Variants in RBFOX1 observed in about 807,000 individuals in gnomAD.
The protein encoded by RBFOX1 is RNA binding fox-1 homolog 1, also known as RNA binding protein fox-1 homolog 1.
Under a neutral mutation model 57.7 loss-of-function variants are expected in RBFOX1, and 8 were observed. That is an observed-to-expected ratio of 0.14 (90% CI 0.08 to 0.25). The LOEUF is 0.25. RBFOX1 is among the 10% of genes least tolerant of loss of function. The pLI, the probability that RBFOX1 is intolerant of heterozygous loss-of-function variation, is 1.00. For synonymous variants in RBFOX1, 326 were observed against 222.4 expected (o/e 1.47, Z -4.15); for missense variants, 611 against 548.5 (o/e 1.11, Z -1.14).
At chr16:7,693,525 G>A (rs930169647) in intron 14 of RBFOX1, among the ~76,000 whole-genome samples, 2 of 149,140 alleles carry the variant, frequency 1.3e-5, no homozygotes, top group African/African-American at 4.9e-5. Context: ...CTGAAGCCTT[G>A]AGGCTCTGCC....
At chr16:5,448,820 C>T (rs928277644) in intron 1 of RBFOX1, among the ~76,000 whole-genome samples, 8 of 152,182 alleles carry the variant, frequency 5.3e-5, no homozygotes, top group Admixed American at 3.9e-4. Flanking sequence ...ATCTGGGATA[C>T]ATTTAGGAGG....
chr16:7,197,011 C>G (rs138938492), intron 4 of RBFOX1, among the ~76,000 whole-genome samples: 4 of 152,162 alleles, frequency 2.6e-5, no homozygotes, highest in Admixed American at 2.0e-4. Context: ...GTTTAAAAGA[C>G]TCCATTTCGA....
chr16:6,132,183 T>G (rs2096634523), intron 1 of RBFOX1, among the ~76,000 whole-genome samples: 1 of 152,218 alleles, frequency 6.6e-6, no homozygotes, highest in South Asian at 2.1e-4. Flanking sequence ...TATGTGACTT[T>G]AAGATTTCAC....
At chr16:6,453,284 C>T (rs1394220965) in intron 2 of RBFOX1, among the ~76,000 whole-genome samples, 1 of 152,048 alleles carries the variant, frequency 6.6e-6, no homozygotes, top group Non-Finnish European at 1.5e-5. Context: ...CTTGACAGGC[C>T]CCGGTGTGTG....
chr16:6,767,914 CAATAATAATAATAATAAT>C (rs71408408), intron 3 of RBFOX1, among the ~76,000 whole-genome samples: 4 of 118,022 alleles, frequency 3.4e-5, no homozygotes, highest in African/African-American at 9.6e-5. Flanking sequence ...GACTCTATCT[CAATAATAATAATAATAAT>C]AATAATAATA....
At chr16:7,297,653 T>C (rs1192303889) in intron 4 of RBFOX1, among the ~76,000 whole-genome samples, 1 of 152,208 alleles carries the variant, frequency 6.6e-6, no homozygotes, top group Non-Finnish European at 1.5e-5. Context: ...AATTATTCTT[T>C]AGGAACGTGT....
intron 3 of RBFOX1, among the ~76,000 whole-genome samples, chr16:6,834,991 C>T (rs556873278): frequency 1.1e-4 from 16 of 150,442 alleles, no homozygotes; most frequent in Non-Finnish European, 1.6e-4. Context: ...CTCCCAGGTT[C>T]ACGCCATTCT....
intron 3 of RBFOX1, among the ~76,000 whole-genome samples, chr16:5,625,233 C>G (rs751425742): frequency 1.3e-5 from 2 of 152,046 alleles, no homozygotes; most frequent in Non-Finnish European, 2.9e-5. Context: ...TTCTGTATCC[C>G]TAGGATCTGT....
chr16:6,262,827 G>C lies in RBFOX1; in HGVS notation c.-126-54168G>C, dbSNP rs1047283360. On this transcript the variant is annotated intron_variant, in intron 1 of 15. Coordinates refer to ENST00000550418, the MANE Select transcript of RBFOX1 (RefSeq NM_018723.4). ...AGGAAGCGCCCATTCTAAGTACCAG[G>C]GTCACAGTGGGCAACAAGGCAGGCC... Among the ~76,000 whole-genome samples, 4 of 152,222 alleles carry C rather than the reference G, an allele frequency of 2.6e-5. No individual in the cohort carries two copies. The South Asian group carries it at 8.3e-4, about 32-fold the overall frequency.
At chr16:5,255,314 A>T (rs535408838) in intron 1 of RBFOX1, among the ~76,000 whole-genome samples, 2 of 144,388 alleles carry the variant, frequency 1.4e-5, no homozygotes, top group South Asian at 4.6e-4. Flanking sequence ...CTATCCGTCC[A>T]CACTTCCTTC....
chr16:5,314,535 CTG>C (rs1178768634), intron 1 of RBFOX1, among the ~76,000 whole-genome samples: 1 of 152,206 alleles, frequency 6.6e-6, no homozygotes, highest in Non-Finnish European at 1.5e-5. Flanking sequence ...GGATCTCACT[CTG>C]TTGCCCAGGC....
intron 3 of RBFOX1, among the ~76,000 whole-genome samples, chr16:5,765,663 C>G (rs117695934): frequency 6.6e-6 from 1 of 152,138 alleles, no homozygotes; most frequent in Non-Finnish European, 1.5e-5. Flanking sequence ...GCAATTCAAC[C>G]GAAAATGGCA....
intron 2 of RBFOX1, among the ~76,000 whole-genome samples, chr16:6,441,112 G>A: frequency 6.6e-6 from 1 of 152,168 alleles, no homozygotes; most frequent in South Asian, 2.1e-4. Context: ...TGAGCCCAGT[G>A]CCGTTGCTCT....
At chr16:5,887,389 C>T (rs969907034) in intron 4 of RBFOX1, among the ~76,000 whole-genome samples, 1 of 152,086 alleles carries the variant, frequency 6.6e-6, no homozygotes, top group African/African-American at 2.4e-5. Context: ...TTGTATTTCT[C>T]TCTCCTGTGT....
At position 6,510,439 on chromosome 16, in the gene RBFOX1, C is replaced by G. The variant is rs577197522; in HGVS notation, c.-63-144164C>G. Among the ~76,000 whole-genome samples, 6 of 152,196 alleles carry G rather than the reference C, an allele frequency of 3.9e-5. 1 individual carries two copies. The highest frequency in any genetic ancestry group is 6.5e-5 in the Admixed American group (1 of 15,276). ...ACGCTGAGTCCCTGACCTGGCTAAGCTCCCTCACTAAGAAAGATGTGATTT... is the reference window on the plus strand; with the variant it reads ...ACGCTGAGTCCCTGACCTGGCTAAGGTCCCTCACTAAGAAAGATGTGATTT... On this transcript the variant is annotated intron_variant, in intron 2 of 15. Coordinates refer to ENST00000550418, the MANE Select transcript of RBFOX1 (RefSeq NM_018723.4).
chr16:7,507,798 C>T (rs573352046), intron 4 of RBFOX1, among the ~76,000 whole-genome samples: 1 of 152,008 alleles, frequency 6.6e-6, no homozygotes, highest in Non-Finnish European at 1.5e-5. Flanking sequence ...GTCCTGACGT[C>T]GTGATCCGCC....
chr16:7,409,414 T>C (rs974075057), intron 4 of RBFOX1, among the ~76,000 whole-genome samples: 1 of 152,246 alleles, frequency 6.6e-6, no homozygotes, highest in Non-Finnish European at 1.5e-5. Context: ...TATTTATTTT[T>C]AGTGGTTGGA....
chr16:6,231,872 G>A (rs923225517), intron 1 of RBFOX1, among the ~76,000 whole-genome samples: 9 of 118,462 alleles, frequency 7.6e-5, no homozygotes, highest in Non-Finnish European at 1.5e-4. Flanking sequence ...TTTTAAAAAT[G>A]CAGCAATAAT....
At chr16:7,535,256 C>A (rs1416625554) in intron 5 of RBFOX1, among the ~76,000 whole-genome samples, 3 of 152,158 alleles carry the variant, frequency 2.0e-5, no homozygotes, top group Non-Finnish European at 2.9e-5. Context: ...TTTCCCTGGG[C>A]CAGCTCAGGG....
Sources: allele counts gnomAD v4.1 joint callset (sites outside exome capture counted in the v4.1 genomes callset), GRCh38; gene constraint gnomAD v4.1.1; transcripts MANE v1.5; gene names NCBI Gene and HGNC (gene_info 2026-07-23, HGNC 2026-07-21).